Variants in ATP6V1B2 observed in about 807,000 individuals in gnomAD.
ATP6V1B2 encodes the protein ATPase H+ transporting V1 subunit B2.
A neutral mutation model predicts 66.7 loss-of-function variants in ATP6V1B2; 23 were observed. The observed-to-expected ratio is 0.34, with a 90% confidence interval of 0.25 to 0.49. ATP6V1B2 has a LOEUF of 0.49. ATP6V1B2 is among the 20% of genes least tolerant of loss of function. The probability of loss-of-function intolerance (pLI) is 0.99; values close to 1 mark genes in which losing one functional copy is unlikely to be tolerated. For synonymous variants in ATP6V1B2, 278 were observed against 236.7 expected, an observed-to-expected ratio of 1.17 and a Z score of -1.60; for missense variants, 478 against 650.8, an observed-to-expected ratio of 0.73 and a Z score of 2.89.
At chr8:20,198,337 G>A (rs1023279600) in intron 1 of ATP6V1B2, among the ~76,000 whole-genome samples, 1 of 152,232 alleles carries the variant, frequency 6.6e-6, no homozygotes, top group African/African-American at 2.4e-5. Flanking sequence ...GTTGAGTGCA[G>A]GGTTCTTTGG....
At chr8:20,197,608 C>A (rs2072641693) in intron 1 of ATP6V1B2, 66 bp downstream of exon 1, 4 of 1,303,356 alleles carry the variant, frequency 3.1e-6, no homozygotes, top group Middle Eastern at 2.0e-4. Flanking sequence ...CTCCCAGTCA[C>A]CTGCTTAGCC....
chr8:20,199,229 C>A (rs985385981), intron 1 of ATP6V1B2, among the ~76,000 whole-genome samples: 10 of 152,206 alleles, frequency 6.6e-5, no homozygotes, highest in Non-Finnish European at 1.5e-4. Context: ...TTATTCTTGA[C>A]AAAACTGTTG....
chr8:20,199,108 G>C (rs890182485), intron 1 of ATP6V1B2, among the ~76,000 whole-genome samples: 2 of 152,124 alleles, frequency 1.3e-5, no homozygotes, highest in African/African-American at 4.8e-5. Flanking sequence ...CTGAAATAAC[G>C]TTGTTTAAAG....
At chr8:20,214,652 G>A in intron 9 of ATP6V1B2, 166 bp from the exon 10 acceptor site, 1 of 755,618 alleles carries the variant, frequency 1.3e-6, no homozygotes, top group Non-Finnish European at 1.8e-6. Flanking sequence ...AGAATACTTT[G>A]AATTTATGTT....
chr8:20,214,943 C>A lies in ATP6V1B2; in HGVS notation c.1053C>A (p.Ile351=). The A allele has an allele frequency of 3.1e-6, 5 of 1,613,296 alleles. No homozygotes were observed. Among genetic ancestry groups the A allele is most frequent in the Non-Finnish European group, 4.2e-6 (5 of 1,179,562 alleles). The change falls in exon 10 of 14, where the codon ATC becomes ATA. Residue 351 remains isoleucine, a synonymous_variant. Coordinates refer to ENST00000276390, the MANE Select transcript of ATP6V1B2 (RefSeq NM_001693.4). ...GGAGAAACGGCTCGATTACTCAAAT[C>A]CCTATTCTAACCATGCCTAATGATG... The part of the protein sequence containing the change: ...VEGRNGSITQ[I]PILTMPNDDI...
chr8:20,213,034 A>G, intron 9 of ATP6V1B2, 129 bp downstream of exon 9: 1 of 1,276,474 alleles, frequency 7.8e-7, no homozygotes, highest in Non-Finnish European at 1.1e-6. Flanking sequence ...AGAATGCCTT[A>G]ATAAATCAGA....
chr8:20,211,409 A>C, intron 6 of ATP6V1B2, 93 bp downstream of exon 6: 1 of 1,497,412 alleles, frequency 6.7e-7, no homozygotes, highest in Non-Finnish European at 9.0e-7. Flanking sequence ...AGGGTTTTCA[A>C]AATAAATACT....
In ATP6V1B2 at chr8:20,221,688, G is replaced by A. The variant is rs906782612; in HGVS notation, c.*1286G>A. The stretch of plus-strand genomic sequence containing the variant: ...AATGAAAATAAATGTTAAATTAAAT[G>A]GACCTTAACTAAAGTGACTCTCTAT... On this transcript the variant is annotated 3_prime_UTR_variant, in exon 14 of 14. Transcript: ENST00000276390. 1 of 152,576 alleles carries A rather than the reference G, an allele frequency of 6.6e-6. No individual in the cohort carries two copies. The highest frequency in any genetic ancestry group is 2.4e-5 in the African/African-American group (1 of 41,434). 9.5% of individuals were successfully genotyped at this position (152,576 alleles called of 1,614,324 possible).
chr8:20,212,231 C>G (rs762235475), intron 8 of ATP6V1B2, 32 bp downstream of exon 8: 1 of 1,594,296 alleles, frequency 6.3e-7, no homozygotes, highest in Non-Finnish European at 8.6e-7. Context: ...TTCTGTGGCC[C>G]AGACTCGGGA....
Position 20,204,474 on chromosome 8 carries a change from T to G in ATP6V1B2, c.137-10T>G. ...TTGACTAAAACTGACTCTTCTGTAT[T>G]TCTTTCCAGCATACAAGACAGTATC... On this transcript the variant is annotated splice_polypyrimidine_tract_variant and intron_variant, in intron 1 of 13. Coordinates refer to ENST00000276390, the MANE Select transcript of ATP6V1B2 (RefSeq NM_001693.4). The G allele has an allele frequency of 6.2e-7, 1 of 1,610,936 alleles. No homozygotes were observed. Among genetic ancestry groups the G allele is most frequent in the Non-Finnish European group, 8.5e-7 (1 of 1,177,670 alleles).
chr8:20,218,278 T>C lies in ATP6V1B2; in HGVS notation c.1392T>C (p.Ala464=). 1 of 1,613,130 alleles carries C rather than the reference T, an allele frequency of 6.2e-7. No individual in the cohort carries two copies. ...FLQKFERNFI[A]QGPYENRTVF... is the part of the protein sequence containing the mutation. ...AGAAGTTTGAGAGGAACTTCATTGC[T>C]CAGGGTAAGATGACTGTTGGCTTAC... Residue 464 remains alanine (A), a synonymous_variant, in exon 13 of 14, where the codon GCT becomes GCC. Coordinates refer to ENST00000276390, the MANE Select transcript of ATP6V1B2 (RefSeq NM_001693.4).
chr8:20,218,406 C>G, intron 13 of ATP6V1B2, 124 bp downstream of exon 13: 1 of 1,263,130 alleles, frequency 7.9e-7, no homozygotes. Flanking sequence ...AGAAGAGGCT[C>G]TGTCACCTGC....
chr8:20,210,719 A>T, intron 5 of ATP6V1B2, 73 bp downstream of exon 5: 1 of 1,379,212 alleles, frequency 7.3e-7, no homozygotes, highest in Non-Finnish European at 1.0e-6. Context: ...TGCCAGATAG[A>T]GAGTGTTTTT....
At chr8:20,206,819 G>T (rs368816608) in intron 2 of ATP6V1B2, among the ~76,000 whole-genome samples, 1 of 152,124 alleles carries the variant, frequency 6.6e-6, no homozygotes, top group Admixed American at 6.5e-5. Flanking sequence ...GTCAGGGGAT[G>T]GGGCTGAAAT....
At chr8:20,213,824 G>A (rs759584647) in intron 9 of ATP6V1B2, 1 of 152,086 alleles carries the variant, frequency 6.6e-6, no homozygotes, top group Non-Finnish European at 1.5e-5. Flanking sequence ...CTATATTGCT[G>A]TTTCAGACTA....
rs1042472215 is a variant in ATP6V1B2, at chr8:20,220,660, T to A, written c.*258T>A. 5 of 401,594 alleles carry A rather than the reference T, an allele frequency of 1.2e-5. No homozygotes were observed. Among genetic ancestry groups the A allele is most frequent in the Non-Finnish European group, 2.2e-5 (5 of 231,488 alleles). 24.9% of individuals were successfully genotyped at this position (401,594 alleles called of 1,614,324 possible). ...GGAGTGGCGTTTTCTTATTGCTGTA[T>A]GTATTGTACATAGTGGAGTAGTTAG... is the stretch of plus-strand genomic sequence containing the variant. On this transcript the variant is annotated 3_prime_UTR_variant, in exon 14 of 14. Transcript: ENST00000276390.
intron 10 of ATP6V1B2, 59 bp downstream of exon 10, chr8:20,215,027 A>T: frequency 6.6e-7 from 1 of 1,506,194 alleles, no homozygotes; most frequent in African/African-American, 1.4e-5. Context: ...GAGAAGACCC[A>T]TCTACCTTTT....
chr8:20,217,159 A>T, intron 11 of ATP6V1B2, 61 bp from the exon 12 acceptor site: 1 of 1,337,546 alleles, frequency 7.5e-7, no homozygotes. Context: ...TTTTTTTATT[A>T]CCAGTAAAAC....
At position 20,210,337 on chromosome 8, in the gene ATP6V1B2, T is replaced by C; in HGVS notation, c.292-9T>C. 4 of 1,604,814 alleles carry C rather than the reference T, an allele frequency of 2.5e-6. No individual in the cohort carries two copies. Among genetic ancestry groups the C allele is most frequent in the Non-Finnish European group, 2.6e-6 (3 of 1,174,042 alleles). On this transcript the variant is annotated splice_polypyrimidine_tract_variant and intron_variant, in intron 3 of 13. Transcript: ENST00000276390. ...TTCTACCCTTCTCATTAATTCTTTT[T>C]CTTGATAGGTATTTGAAGGGACTTC...
Sources: gnomAD v4.1 joint callset for allele counts (sites outside exome capture counted in the v4.1 genomes callset) on GRCh38, gnomAD v4.1.1 for gene constraint, MANE v1.5 for transcripts, NCBI Gene and HGNC (gene_info 2026-07-23, HGNC 2026-07-21) for gene names.